TRPC6: variants seen among roughly 807,000 people sequenced by gnomAD.
TRPC6 encodes transient receptor potential cation channel subfamily C member 6.
In TRPC6, 55 loss-of-function variants were observed where a neutral mutation model predicts 90.7. The observed-to-expected ratio is 0.61, with a 90% confidence interval of 0.49 to 0.76. TRPC6 has a LOEUF of 0.76. Ranked by LOEUF, TRPC6 falls within the 30% of genes least tolerant of loss-of-function variation. The probability of loss-of-function intolerance (pLI) is 0.00; values close to 1 mark genes in which losing one functional copy is unlikely to be tolerated. For missense variants in TRPC6, 989 were observed against 1,122.7 expected (o/e 0.88, Z 1.70); for synonymous variants, 393 against 393.0 (o/e 1.00, Z 0.00).
chr11:101,520,187 G>GT (rs1362696281), intron 1 of TRPC6, among the ~76,000 whole-genome samples: 1 of 151,930 alleles, frequency 6.6e-6, no homozygotes, highest in African/African-American at 2.4e-5. Context: ...TTCCATTCTC[G>GT]TGACAGTGAG....
chr11:101,474,531 G>A (rs572250712), intron 6 of TRPC6, among the ~76,000 whole-genome samples: 4 of 152,170 alleles, frequency 2.6e-5, no homozygotes, highest in Admixed American at 1.3e-4. Context: ...AGGATAACAA[G>A]AAACTAATAA....
intron 1 of TRPC6, among the ~76,000 whole-genome samples, chr11:101,561,027 T>C (rs1861700392): frequency 6.6e-6 from 1 of 152,200 alleles, no homozygotes; most frequent in African/African-American, 2.4e-5. Flanking sequence ...ATTTTTGTTG[T>C]ATTGGATTTA....
At chr11:101,489,297 T>A (rs1859749056) in intron 3 of TRPC6, among the ~76,000 whole-genome samples, 196 bp from the exon 4 acceptor site, 1 of 152,206 alleles carries the variant, frequency 6.6e-6, no homozygotes, top group Non-Finnish European at 1.5e-5. Context: ...ATTTGAAGAT[T>A]TCAATTTATC....
chr11:101,561,043 T>C (rs1404151176), intron 1 of TRPC6, among the ~76,000 whole-genome samples: 1 of 152,180 alleles, frequency 6.6e-6, no homozygotes, highest in Non-Finnish European at 1.5e-5. Flanking sequence ...ATTTAAAATC[T>C]TTCTAAAATA....
intron 1 of TRPC6, among the ~76,000 whole-genome samples, chr11:101,542,366 C>A (rs1861194095): frequency 6.6e-6 from 1 of 152,144 alleles, no homozygotes; most frequent in South Asian, 2.1e-4. Flanking sequence ...AGATAGTTCC[C>A]TTAAGTAAAA....
chr11:101,560,698 G>A (rs1444835945), intron 1 of TRPC6, among the ~76,000 whole-genome samples: 2 of 152,106 alleles, frequency 1.3e-5, no homozygotes, highest in African/African-American at 2.4e-5. Flanking sequence ...TGAGAGCTCT[G>A]AGAAGCAACC....
At chr11:101,579,430 G>A (rs980855294) in intron 1 of TRPC6, among the ~76,000 whole-genome samples, 5 of 152,016 alleles carry the variant, frequency 3.3e-5, no homozygotes, top group African/African-American at 4.8e-5. Context: ...ACTCATGGTC[G>A]ATTGAGTCCA....
intron 1 of TRPC6, among the ~76,000 whole-genome samples, chr11:101,532,257 G>T (rs1331227034): frequency 6.6e-6 from 1 of 152,164 alleles, no homozygotes; most frequent in Non-Finnish European, 1.5e-5. Context: ...TCTCATTGAA[G>T]CTATGGCTTT....
intron 1 of TRPC6, among the ~76,000 whole-genome samples, chr11:101,516,988 T>A (rs1057129979): frequency 1.3e-5 from 2 of 152,226 alleles, no homozygotes; most frequent in African/African-American, 2.4e-5. Flanking sequence ...CACATTTTTT[T>A]AAAACCAATT....
intron 1 of TRPC6, among the ~76,000 whole-genome samples, chr11:101,558,993 G>A (rs1183055528): frequency 6.6e-6 from 1 of 151,960 alleles, no homozygotes; most frequent in Non-Finnish European, 1.5e-5. Flanking sequence ...CAAAAGTGCA[G>A]ACAACAAAAG....
intron 1 of TRPC6, among the ~76,000 whole-genome samples, chr11:101,506,824 T>C (rs1280933676): frequency 6.6e-6 from 1 of 152,158 alleles, no homozygotes; most frequent in Non-Finnish European, 1.5e-5. Flanking sequence ...TTTTAGTTTA[T>C]TCTATGTCTT....
At position 101,473,517 on chromosome 11, in the gene TRPC6, G is replaced by C. The variant is rs1425383208; in HGVS notation, c.2001C>G (p.Ala667=). The change falls in exon 7 of 13, where the codon GCC becomes GCG. Residue 667 remains alanine (A), a synonymous_variant. Transcript: ENST00000344327. ...TATCTGAGATCACATACGTTGTGAAGGCTTCATTTTGTTTTGCACCAATGT... is the reference window on the plus strand; with the variant it reads ...TATCTGAGATCACATACGTTGTGAACGCTTCATTTTGTTTTGCACCAATGT... The part of the protein sequence containing the change: ...SYYIGAKQNE[A]FTTVEESFKT... 1 of 1,613,084 alleles carries C rather than the reference G, an allele frequency of 6.2e-7. No homozygotes were observed. Among genetic ancestry groups the C allele is most frequent in the African/African-American group, 1.3e-5 (1 of 74,842 alleles).
chr11:101,458,214 T>C (rs1291105613), intron 10 of TRPC6, among the ~76,000 whole-genome samples: 1 of 152,204 alleles, frequency 6.6e-6, no homozygotes, highest in Non-Finnish European at 1.5e-5. Context: ...TGAAAAATCA[T>C]GAAGTTGAAC....
chr11:101,543,122 T>C (rs981600905), intron 1 of TRPC6, among the ~76,000 whole-genome samples: 5 of 152,076 alleles, frequency 3.3e-5, no homozygotes, highest in African/African-American at 1.2e-4. Context: ...AATGAAAACA[T>C]ACATATGTGA....
At chr11:101,476,569 C>T (rs1859422471) in intron 5 of TRPC6, 35 bp from the exon 6 acceptor site, 8 of 1,539,590 alleles carry the variant, frequency 5.2e-6, no homozygotes, top group Admixed American at 3.3e-5. Flanking sequence ...TCAATTCAAT[C>T]GCATTCAGCC....
At chr11:101,507,664 C>T (rs1010906107) in intron 1 of TRPC6, among the ~76,000 whole-genome samples, 8 of 152,024 alleles carry the variant, frequency 5.3e-5, no homozygotes, top group Admixed American at 2.0e-4. Flanking sequence ...ATTTTGGAGG[C>T]CTTGCTCTAA....
At chr11:101,560,906 T>G (rs770767856) in intron 1 of TRPC6, among the ~76,000 whole-genome samples, 2 of 152,104 alleles carry the variant, frequency 1.3e-5, no homozygotes, top group Non-Finnish European at 2.9e-5. Context: ...AAGGCAGAAG[T>G]CAGAGTGGAA....
intron 1 of TRPC6, among the ~76,000 whole-genome samples, chr11:101,545,495 T>A (rs4480511): frequency 0.35 from 52,489 of 151,928 alleles, 9,319 homozygotes; most frequent in East Asian, 0.44. Flanking sequence ...CAACAATTGA[T>A]ATAAACAAAA....
intron 10 of TRPC6, among the ~76,000 whole-genome samples, chr11:101,467,178 G>T (rs1242454503): frequency 6.6e-6 from 1 of 152,076 alleles, no homozygotes; most frequent in Non-Finnish European, 1.5e-5. Flanking sequence ...TCCTGTTTTT[G>T]TTTCTTCCAC....
Sources: gnomAD v4.1 joint callset for allele counts (sites outside exome capture counted in the v4.1 genomes callset) on GRCh38, gnomAD v4.1.1 for gene constraint, MANE v1.5 for transcripts, NCBI Gene and HGNC (gene_info 2026-07-23, HGNC 2026-07-21) for gene names.